Variants in TEX36 observed in about 807,000 individuals in gnomAD.
The protein encoded by TEX36 is testis-expressed protein 36.
A neutral mutation model predicts 13.6 loss-of-function variants in TEX36; 12 were observed. That is an observed-to-expected ratio of 0.88 (90% CI 0.56 to 1.43). TEX36 has a LOEUF of 1.43. Ranked by LOEUF, TEX36 falls within the 40% of genes most tolerant of loss-of-function variation. The probability of loss-of-function intolerance (pLI) is 0.00; values close to 1 mark genes in which losing one functional copy is unlikely to be tolerated. For missense variants in TEX36, 224 were observed against 228.3 expected (o/e 0.98, Z 0.12); for synonymous variants, 93 against 83.0 (o/e 1.12, Z -0.65).
intron 1 of TEX36, among the ~76,000 whole-genome samples, chr10:125,677,662 A>G (rs568571792): frequency 6.6e-6 from 1 of 151,594 alleles, no homozygotes; most frequent in Non-Finnish European, 1.5e-5. Flanking sequence ...TATCTCACTG[A>G]GCTTCTTTAA....
intron 1 of TEX36, among the ~76,000 whole-genome samples, chr10:125,679,138 ACC>A (rs752996338): frequency 3.6e-5 from 4 of 111,104 alleles, no homozygotes; most frequent in African/African-American, 1.9e-4. Context: ...CTACAGGAGC[ACC>A]CCCCCCGCCC....
intron 3 of TEX36, among the ~76,000 whole-genome samples, chr10:125,609,169 CAAAAAAAA>C (rs869082542): frequency 5.1e-5 from 3 of 59,142 alleles, no homozygotes; most frequent in Non-Finnish European, 1.1e-4. Context: ...AAAAACAAAA[CAAAAAAAA>C]AAAAACTTTT....
intron 3 of TEX36, among the ~76,000 whole-genome samples, chr10:125,613,162 C>A (rs961545505): frequency 1.3e-5 from 2 of 149,862 alleles, no homozygotes; most frequent in African/African-American, 4.9e-5. Context: ...TGCCGCTCGG[C>A]TGGAATCCTG....
chr10:125,588,615 TTGTTTG>T (rs1461504634), intron 3 of TEX36, among the ~76,000 whole-genome samples: 1 of 151,902 alleles, frequency 6.6e-6, no homozygotes. Context: ...GTTTGTTTGT[TTGTTTG>T]TTTGTTTGTT....
At chr10:125,652,611 G>T (rs537676651), downstream of TEX36, among the ~76,000 whole-genome samples, 1 of 152,286 alleles carries the variant, frequency 6.6e-6, no homozygotes, top group South Asian at 2.1e-4. Flanking sequence ...AAAAGCAATG[G>T]CAACAAAAGC....
chr10:125,661,706 T>C, intron 2 of TEX36, 140 bp downstream of exon 2: 1 of 1,115,394 alleles, frequency 9.0e-7, no homozygotes, highest in Non-Finnish European at 1.3e-6. Context: ...GGGGTGGGGA[T>C]ACTACCAACC....
chr10:125,612,523 G>A (rs1251388063), intron 3 of TEX36, among the ~76,000 whole-genome samples: 1 of 152,074 alleles, frequency 6.6e-6, no homozygotes, highest in Non-Finnish European at 1.5e-5. Flanking sequence ...ACATATGTAT[G>A]TATATATACA....
At chr10:125,598,220 C>T (rs1302995969) in intron 3 of TEX36, among the ~76,000 whole-genome samples, 14 of 152,334 alleles carry the variant, frequency 9.2e-5, no homozygotes, top group Middle Eastern at 3.4e-3. Context: ...TTTGAAGACG[C>T]TGCTGATATA....
intron 3 of TEX36, among the ~76,000 whole-genome samples, chr10:125,659,821 G>C (rs1048702828): frequency 2.0e-5 from 3 of 152,124 alleles, no homozygotes; most frequent in African/African-American, 7.2e-5. Context: ...TTTATAAATG[G>C]TGGGCCATTA....
At chr10:125,643,384 G>A (rs1399834548) in intron 3 of TEX36, among the ~76,000 whole-genome samples, 9 of 152,230 alleles carry the variant, frequency 5.9e-5, no homozygotes, top group Admixed American at 5.2e-4. Context: ...GAGGTGGGCC[G>A]ATCATTTGAG....
Position 125,602,200 on chromosome 10 carries a change from C to T in TEX36, c.265-25326G>A, listed in dbSNP as rs776120549. Among the ~76,000 whole-genome samples the T allele has an allele frequency of 5.9e-5, 9 of 152,290 alleles. 1 individual carries two copies. Among genetic ancestry groups the T allele is most frequent in the Admixed American group, 5.2e-4 (8 of 15,304 alleles). On this transcript the variant is annotated intron_variant, in intron 3 of 3. Coordinates refer to the TEX36 transcript ENST00000532135. Reference sequence around the variant, plus strand: ...CAACTGTGACTTAGTGAGGCAGAAACGCTGCCTGGTTTATGCGGGGTATGA... The same window carrying T: ...CAACTGTGACTTAGTGAGGCAGAAATGCTGCCTGGTTTATGCGGGGTATGA...
chr10:125,614,507 C>T (rs1359650232), intron 3 of TEX36, among the ~76,000 whole-genome samples: 4 of 151,878 alleles, frequency 2.6e-5, no homozygotes, highest in African/African-American at 9.7e-5. Flanking sequence ...TATGGCTAGC[C>T]AGTTTTCCCA....
chr10:125,599,220 G>A (rs937656388), intron 3 of TEX36, among the ~76,000 whole-genome samples: 6 of 152,244 alleles, frequency 3.9e-5, no homozygotes, highest in East Asian at 1.9e-4. Context: ...ATCCACTAAC[G>A]GTTTGTGGAA....
intron 3 of TEX36, among the ~76,000 whole-genome samples, chr10:125,641,247 G>C (rs550780474): frequency 3.0e-4 from 45 of 152,312 alleles, no homozygotes; most frequent in African/African-American, 1.0e-3. Flanking sequence ...GCAGCCACAA[G>C]ATACTCTAAC....
chr10:125,642,892 G>T (rs1846710992), intron 3 of TEX36, among the ~76,000 whole-genome samples: 1 of 152,134 alleles, frequency 6.6e-6, no homozygotes, highest in South Asian at 2.1e-4. Context: ...TTTACTTTTA[G>T]ATTGCCTTCT....
rs1845933209 is a variant in TEX36 at position 125,585,418 on chromosome 10, G to C, written c.265-8544C>G. On this transcript the variant is annotated intron_variant, in intron 3 of 3. Coordinates refer to the TEX36 transcript ENST00000532135. ...ACTTTGAGCTGAGGAAGCTTGGGGA[G>C]GCCTCAGAAGCAAGGTCTCTTCAAC... Among the ~76,000 whole-genome samples the C allele has an allele frequency of 2.0e-5, 3 of 152,166 alleles. No homozygotes were observed. The South Asian group carries it at 6.2e-4, about 31-fold the overall frequency.
chr10:125,624,612 T>C (rs1419310860), intron 3 of TEX36, among the ~76,000 whole-genome samples: 1 of 152,026 alleles, frequency 6.6e-6, no homozygotes, highest in African/African-American at 2.4e-5. Flanking sequence ...TGAGCTCATC[T>C]TCATTGGAGG....
chr10:125,640,969 T>C (rs1846682453), intron 3 of TEX36, among the ~76,000 whole-genome samples: 3 of 145,196 alleles, frequency 2.1e-5, no homozygotes, highest in Admixed American at 6.9e-5. Context: ...CACCCATCTC[T>C]CCCCCCTCCC....
chr10:125,650,638 A>G (rs1846837261), intron 3 of TEX36, among the ~76,000 whole-genome samples: 1 of 152,218 alleles, frequency 6.6e-6, no homozygotes, highest in Non-Finnish European at 1.5e-5. Context: ...GGGGCAAGAA[A>G]TAACTAAGAT....
Sources: gnomAD v4.1 joint callset for allele counts (sites outside exome capture counted in the v4.1 genomes callset) on GRCh38, gnomAD v4.1.1 for gene constraint, MANE v1.5 for transcripts, NCBI Gene and HGNC (gene_info 2026-07-23, HGNC 2026-07-21) for gene names.